Variants in PPP6C observed in about 807,000 individuals in gnomAD.
PPP6C encodes the protein serine/threonine-protein phosphatase 6 catalytic subunit.
PPP6C carries 11 observed loss-of-function variants against 39.8 expected under a neutral mutation model. That is an observed-to-expected ratio of 0.28 (90% CI 0.17 to 0.46). The LOEUF is 0.46. PPP6C is among the 20% of genes least tolerant of loss of function. The pLI is 1.00. For missense variants in PPP6C, 211 were observed against 373.9 expected (o/e 0.56, Z 3.59); for synonymous variants, 129 against 130.3 (o/e 0.99, Z 0.07).
intron 1 of PPP6C, among the ~76,000 whole-genome samples, chr9:125,176,248 G>A: frequency 6.6e-6 from 1 of 152,198 alleles, no homozygotes; most frequent in Non-Finnish European, 1.5e-5. Context: ...GAGCATCACA[G>A]AATTATTTAG....
intron 1 of PPP6C, among the ~76,000 whole-genome samples, chr9:125,181,939 T>G (rs1829429871): frequency 6.6e-6 from 1 of 152,228 alleles, no homozygotes; most frequent in Non-Finnish European, 1.5e-5. Flanking sequence ...AGTGTTCCTA[T>G]TTCTCCAAAT....
At chr9:125,181,567 C>A (rs1049124001) in intron 1 of PPP6C, among the ~76,000 whole-genome samples, 1 of 152,072 alleles carries the variant, frequency 6.6e-6, no homozygotes, top group Non-Finnish European at 1.5e-5. Flanking sequence ...CTCCCGCTTA[C>A]GAGTGAGAAC....
rs974376462 is a variant in PPP6C, at chr9:125,151,079, A to C, written c.670-1158T>G. On this transcript the variant is annotated intron_variant, in intron 6 of 6. Coordinates refer to ENST00000373547, the MANE Select transcript of PPP6C (RefSeq NM_002721.5). ...TTTGATAACCCAGTGGACTATCTGT[A>C]TGCAGAGCCAGGTGTCCTGAAGTGG... 9 of 1,324,866 alleles carry C rather than the reference A, an allele frequency of 6.8e-6. No homozygotes were observed. In the African/African-American group the frequency reaches 1.2e-4, roughly 17 times the overall value. 82.1% of individuals were successfully genotyped at this position (1,324,866 alleles called of 1,614,324 possible).
rs753673159 is a variant in PPP6C, at chr9:125,148,083, T to A, written c.*1590A>T. ...AGCTGGGTGGTTTGAGGGAAAAAAA[T>A]TAAATCAAAACAGTATTGTGCTCAA... is the stretch of plus-strand genomic sequence containing the variant. On this transcript the variant is annotated 3_prime_UTR_variant, in exon 7 of 7. Transcript: ENST00000373547. The A allele has an allele frequency of 4.3e-5, 8 of 186,036 alleles. No individual in the cohort carries two copies. Among genetic ancestry groups the A allele is most frequent in the Non-Finnish European group, 6.8e-5 (6 of 88,716 alleles). 11.5% of individuals were successfully genotyped at this position (186,036 alleles called of 1,614,324 possible).
In PPP6C at chr9:125,159,735, G is replaced by A. The variant is rs115669914; in HGVS notation, c.237+1106C>T. Among the ~76,000 whole-genome samples, 817 of 152,290 alleles carry A rather than the reference G, an allele frequency of 5.4e-3. 9 individuals carry two copies. Among genetic ancestry groups the A allele is most frequent in the African/African-American group, 0.018 (767 of 41,552 alleles). On this transcript the variant is annotated intron_variant, in intron 3 of 6. Coordinates refer to ENST00000373547, the MANE Select transcript of PPP6C (RefSeq NM_002721.5). ...CAGCTGAAAGAATAGGAAAGTGGCC[G>A]GCGTGGTGGCTCACCCCTGTAATCC...
chr9:125,157,867 T>G (rs1463442639), intron 4 of PPP6C, among the ~76,000 whole-genome samples: 1 of 152,032 alleles, frequency 6.6e-6, no homozygotes, highest in African/African-American at 2.4e-5. Flanking sequence ...ATTTTTGTAT[T>G]TTTAGAAGAG....
Position 125,148,030 on chromosome 9 carries a change from T to C in PPP6C, c.*1643A>G, listed in dbSNP as rs577902481. On this transcript the variant is annotated 3_prime_UTR_variant, in exon 7 of 7. Transcript: ENST00000373547. The stretch of plus-strand genomic sequence containing the variant: ...AAATGTCTTAGCCACCTCTTTCATA[T>C]AGCTATATAATTAAAAACTATGTAA... The C allele has an allele frequency of 5.4e-6, 1 of 186,306 alleles. No individual in the cohort carries two copies. The highest frequency in any genetic ancestry group is 4.2e-5 in the Admixed American group (1 of 23,656). 11.5% of individuals were successfully genotyped at this position (186,306 alleles called of 1,614,324 possible). A position where few individuals can be genotyped will look rare whatever the true frequency, so the allele number is the denominator to read the frequency against.
chr9:125,188,364 G>A (rs1017403584), intron 1 of PPP6C, among the ~76,000 whole-genome samples: 2 of 151,908 alleles, frequency 1.3e-5, no homozygotes, highest in South Asian at 2.1e-4. Context: ...CGGCCTGGGC[G>A]ACAGAGCGAG....
chr9:125,172,271 C>A (rs1223010704), intron 1 of PPP6C, among the ~76,000 whole-genome samples: 1 of 151,828 alleles, frequency 6.6e-6, no homozygotes, highest in Non-Finnish European at 1.5e-5. Context: ...AGGCTGGAGT[C>A]CAGTAGCACA....
intron 1 of PPP6C, among the ~76,000 whole-genome samples, chr9:125,178,921 G>A (rs996862644): frequency 6.6e-6 from 1 of 152,018 alleles, no homozygotes; most frequent in Non-Finnish European, 1.5e-5. Context: ...TGAGTTTTAA[G>A]AGTTATCTGC....
chr9:125,174,606 A>G (rs1021185783), intron 1 of PPP6C, among the ~76,000 whole-genome samples: 49 of 151,984 alleles, frequency 3.2e-4, no homozygotes, highest in African/African-American at 1.1e-3. Flanking sequence ...TCCATCACTC[A>G]TTAAAAAAAA....
chr9:125,158,385 G>A lies in PPP6C; in HGVS notation c.238-3C>T, dbSNP rs1836131583. ...TAACCTCTGTCTACAAAATCACCCTGTGAAGTAAAAGTTTACAGTTACAAA... is the reference window on the plus strand; with the variant it reads ...TAACCTCTGTCTACAAAATCACCCTATGAAGTAAAAGTTTACAGTTACAAA... On this transcript the variant is annotated splice_polypyrimidine_tract_variant and splice_region_variant and intron_variant, in intron 3 of 6. Coordinates refer to ENST00000373547, the MANE Select transcript of PPP6C (RefSeq NM_002721.5). 1 of 1,611,744 alleles carries A rather than the reference G, an allele frequency of 6.2e-7. No individual in the cohort carries two copies. The highest frequency in any genetic ancestry group is 8.5e-7 in the Non-Finnish European group (1 of 1,178,876).
In PPP6C at chr9:125,189,275, A is replaced by G. The variant is rs559714934; in HGVS notation, c.75+369T>C. On this transcript the variant is annotated intron_variant, in intron 1 of 6. Coordinates refer to ENST00000373547, the MANE Select transcript of PPP6C (RefSeq NM_002721.5). Reference sequence around the variant, plus strand: ...TGTCACCTCCGGTGGAGGCGACCCCATCCCGAGGGCACTGCCGCGGGGGCT... The same window carrying G: ...TGTCACCTCCGGTGGAGGCGACCCCGTCCCGAGGGCACTGCCGCGGGGGCT... Among the ~76,000 whole-genome samples the G allele has an allele frequency of 2.4e-4, 36 of 152,330 alleles. No individual in the cohort carries two copies. The East Asian group carries it at 6.4e-3, about 27-fold the overall frequency.
At chr9:125,171,819 G>A (rs1351558559) in intron 1 of PPP6C, 1 of 451,920 alleles carries the variant, frequency 2.2e-6, no homozygotes, top group Admixed American at 2.4e-5. Context: ...CTCCCAAAGT[G>A]CTGGGATTAC....
intron 2 of PPP6C, among the ~76,000 whole-genome samples, chr9:125,164,261 C>CT (rs2131316472): frequency 9.2e-6 from 1 of 108,742 alleles, no homozygotes; most frequent in East Asian, 3.3e-4. Flanking sequence ...GAGTCTCAGT[C>CT]TGTTACCCAG....
intron 2 of PPP6C, among the ~76,000 whole-genome samples, chr9:125,166,039 C>T (rs1170023447): frequency 2.0e-5 from 3 of 152,058 alleles, no homozygotes; most frequent in African/African-American, 4.8e-5. Flanking sequence ...TCAAGCGATC[C>T]GCTTGCCACG....
At chr9:125,176,572 G>A (rs765981326) in intron 1 of PPP6C, among the ~76,000 whole-genome samples, 6 of 152,284 alleles carry the variant, frequency 3.9e-5, no homozygotes, top group Non-Finnish European at 5.9e-5. Flanking sequence ...TGCAAGGATC[G>A]CTTGAGCCCG....
intron 1 of PPP6C, among the ~76,000 whole-genome samples, chr9:125,181,873 G>A (rs943397230): frequency 3.9e-5 from 6 of 152,280 alleles, no homozygotes; most frequent in African/African-American, 9.6e-5. Flanking sequence ...TTGAGGAATC[G>A]CTACACTGTC....
intron 6 of PPP6C, chr9:125,151,556 TCC>T (rs1211350376): frequency 1.2e-6 from 1 of 827,552 alleles, no homozygotes; most frequent in Non-Finnish European, 2.1e-6. Flanking sequence ...CAATGAAGAA[TCC>T]GTTTCTTACC....
Sources: allele counts gnomAD v4.1 joint callset (sites outside exome capture counted in the v4.1 genomes callset), GRCh38; gene constraint gnomAD v4.1.1; transcripts MANE v1.5; gene names NCBI Gene and HGNC (gene_info 2026-07-23, HGNC 2026-07-21).